The following PHF20 variants were observed in gnomAD, a reference collection of about 807,000 sequenced individuals.
PHF20 encodes glioma-expressed antigen 2.
PHF20 carries 23 observed loss-of-function variants against 113.5 expected under a neutral mutation model. That is an observed-to-expected ratio of 0.20 (90% CI 0.15 to 0.29). PHF20 has a LOEUF of 0.29. Ranked by LOEUF, PHF20 falls within the 10% of genes least tolerant of loss-of-function variation. The pLI is 1.00. For missense variants in PHF20, 943 were observed against 1,219.6 expected (o/e 0.77, Z 3.38); for synonymous variants, 434 against 457.3 (o/e 0.95, Z 0.65).
rs370473415 is a variant in PHF20, at chr20:35,896,410, T to G, written c.1283-2960T>G. Among the ~76,000 whole-genome samples, 26 of 152,236 alleles carry G rather than the reference T, an allele frequency of 1.7e-4. No homozygotes were observed. The East Asian group carries it at 4.8e-3, about 28-fold the overall frequency. On this transcript the variant is annotated intron_variant, in intron 9 of 17. Coordinates refer to ENST00000374012, the MANE Select transcript of PHF20 (RefSeq NM_016436.5). ...AAAAAGATCCATTTAATATAATATA[T>G]TCTTGGGTGACCAAATCTGTAGCAT... is the stretch of plus-strand genomic sequence containing the variant.
intron 1 of PHF20, among the ~76,000 whole-genome samples, chr20:35,775,744 ACT>A (rs1422600167): frequency 2.2e-4 from 23 of 104,768 alleles, no homozygotes; most frequent in African/African-American, 8.6e-4. Context: ...ACAGAGTGAG[ACT>A]CTGTCTCCAA....
chr20:35,797,742 C>G (rs1250739628), intron 1 of PHF20, among the ~76,000 whole-genome samples: 1 of 150,538 alleles, frequency 6.6e-6, no homozygotes, highest in Non-Finnish European at 1.5e-5. Flanking sequence ...ACCTCCGCCT[C>G]CTGGGTTCAA....
At chr20:35,919,654 T>A (rs942213027) in intron 13 of PHF20, among the ~76,000 whole-genome samples, 8 of 152,330 alleles carry the variant, frequency 5.3e-5, no homozygotes, top group Non-Finnish European at 8.8e-5. Flanking sequence ...CTCTCATCTT[T>A]GAATTTGTTG....
chr20:35,780,041 C>T (rs575163791), intron 1 of PHF20, among the ~76,000 whole-genome samples: 1 of 152,222 alleles, frequency 6.6e-6, no homozygotes, highest in African/African-American at 2.4e-5. Flanking sequence ...GGCTAATAAG[C>T]AGGGCCTCGA....
intron 13 of PHF20, 109 bp downstream of exon 13, chr20:35,917,771 C>A: frequency 2.2e-6 from 2 of 893,402 alleles, no homozygotes; most frequent in Non-Finnish European, 3.4e-6. Context: ...AGAAACACAG[C>A]ACGAACGGCA....
intron 17 of PHF20, among the ~76,000 whole-genome samples, chr20:35,944,674 C>T (rs950799618): frequency 1.3e-5 from 2 of 152,184 alleles, no homozygotes; most frequent in East Asian, 1.9e-4. Flanking sequence ...CAGGTTTAAG[C>T]GACTCTTCCT....
At chr20:35,778,946 G>C (rs1227086251) in intron 1 of PHF20, among the ~76,000 whole-genome samples, 1 of 152,090 alleles carries the variant, frequency 6.6e-6, no homozygotes, top group Non-Finnish European at 1.5e-5. Context: ...TTTTAGGAAA[G>C]AGTGGTGGAG....
At chr20:35,835,792 T>C in intron 2 of PHF20, among the ~76,000 whole-genome samples, 1 of 151,914 alleles carries the variant, frequency 6.6e-6, no homozygotes, top group Non-Finnish European at 1.5e-5. Flanking sequence ...TAGCCAGGCG[T>C]GGTGGCGTGT....
At chr20:35,902,196 G>C (rs771598778) in intron 10 of PHF20, among the ~76,000 whole-genome samples, 1 of 152,138 alleles carries the variant, frequency 6.6e-6, no homozygotes, top group Non-Finnish European at 1.5e-5. Flanking sequence ...GTATCCCATG[G>C]GCTCTGCAGC....
intron 7 of PHF20, 39 bp from the exon 8 acceptor site, chr20:35,870,916 G>C (rs754556658): frequency 8.8e-6 from 13 of 1,473,270 alleles, no homozygotes; most frequent in African/African-American, 4.3e-5. Flanking sequence ...ATTTCTTCTT[G>C]TTGGTCTCTT....
intron 9 of PHF20, among the ~76,000 whole-genome samples, chr20:35,895,561 G>A (rs2054963221): frequency 6.6e-6 from 1 of 151,954 alleles, no homozygotes; most frequent in Non-Finnish European, 1.5e-5. Context: ...TTTGTTTTAG[G>A]AAAGAATTGG....
chr20:35,909,171 T>C (rs2055251917), intron 10 of PHF20, among the ~76,000 whole-genome samples: 2 of 152,006 alleles, frequency 1.3e-5, no homozygotes, highest in Non-Finnish European at 2.9e-5. Flanking sequence ...AAGTTCTTTA[T>C]CCAGTTGAGG....
At chr20:35,812,374 G>A (rs948122834) in intron 2 of PHF20, among the ~76,000 whole-genome samples, 4 of 151,950 alleles carry the variant, frequency 2.6e-5, no homozygotes, top group Non-Finnish European at 5.9e-5. Flanking sequence ...AGCAGAGATC[G>A]AGCCACTGCA....
intron 1 of PHF20, among the ~76,000 whole-genome samples, chr20:35,780,744 C>T (rs1436582650): frequency 1.3e-5 from 2 of 150,820 alleles, no homozygotes; most frequent in African/African-American, 4.9e-5. Flanking sequence ...GACGGGGTTT[C>T]ACCATGTTGC....
intron 1 of PHF20, among the ~76,000 whole-genome samples, chr20:35,799,737 GGCTCACTGCAACCTCC>G: frequency 6.6e-6 from 1 of 151,786 alleles, no homozygotes; most frequent in East Asian, 1.9e-4. Context: ...GCGTGATCTC[GGCTCACTGCAACCTCC>G]GCCTCCCAGG....
At chr20:35,943,098 T>C (rs866345759) in intron 17 of PHF20, among the ~76,000 whole-genome samples, 28 of 152,146 alleles carry the variant, frequency 1.8e-4, no homozygotes, top group African/African-American at 5.5e-4. Context: ...GCTGGGATTA[T>C]AGACGTGAGC....
intron 15 of PHF20, among the ~76,000 whole-genome samples, chr20:35,932,580 G>T (rs775444423): frequency 1.3e-5 from 2 of 150,486 alleles, no homozygotes; most frequent in Admixed American, 6.6e-5. Context: ...ACAGGCGCAC[G>T]CCACCACACC....
intron 1 of PHF20, among the ~76,000 whole-genome samples, chr20:35,773,064 C>T (rs1257414174): frequency 2.0e-5 from 3 of 152,198 alleles, no homozygotes; most frequent in Non-Finnish European, 2.9e-5. Flanking sequence ...ACACTTTTCA[C>T]GTGTTCCCCA....
intron 2 of PHF20, among the ~76,000 whole-genome samples, chr20:35,829,810 C>T (rs550313614): frequency 3.9e-5 from 6 of 152,200 alleles, no homozygotes; most frequent in East Asian, 1.9e-4. Context: ...GCCTAGGTAA[C>T]GTGGAAACCC....
Sources: allele counts gnomAD v4.1 joint callset (sites outside exome capture counted in the v4.1 genomes callset), GRCh38; gene constraint gnomAD v4.1.1; transcripts MANE v1.5; gene names NCBI Gene and HGNC (gene_info 2026-07-23, HGNC 2026-07-21).